NVL: variants seen among roughly 807,000 people sequenced by gnomAD.
NVL encodes the protein nuclear VCP like.
In NVL, 84 loss-of-function variants were observed where a neutral mutation model predicts 110.2. The observed-to-expected ratio is 0.76, with a 90% CI of 0.64 to 0.91. The LOEUF is 0.91. Ranked by LOEUF, NVL falls within the 40% of genes least tolerant of loss-of-function variation. The probability of loss-of-function intolerance (pLI) is 0.00; values close to 1 mark genes in which losing one functional copy is unlikely to be tolerated. For synonymous variants in NVL, 354 were observed against 361.1 expected, an observed-to-expected ratio of 0.98 and a Z score of 0.22; for missense variants, 882 against 1,035.9, an observed-to-expected ratio of 0.85 and a Z score of 2.04.
intron 19 of NVL, among the ~76,000 whole-genome samples, chr1:224,245,174 C>G (rs983571848): frequency 7.2e-5 from 11 of 152,244 alleles, no homozygotes; most frequent in Admixed American, 2.0e-4. Flanking sequence ...AAGTCAAAAG[C>G]CAGCAAACTG....
chr1:224,250,211 C>A lies in NVL; in HGVS notation c.2289+1G>T. The A allele has an allele frequency of 6.2e-7, 1 of 1,610,280 alleles. No homozygotes were observed. The highest frequency in any genetic ancestry group is 8.5e-7 in the Non-Finnish European group (1 of 1,178,736). On this transcript the variant is annotated splice_donor_variant, in intron 19 of 22. Coordinates refer to ENST00000281701, the MANE Select transcript of NVL (RefSeq NM_002533.4). LOFTEE classifies it high-confidence loss of function. ...AAAAATATACCATTTCCTTTACTCA[C>A]TTTTGTGATAGTTTTTAAGATGGCA...
chr1:224,301,798 CA>C (rs61084002), intron 9 of NVL: 50,165 of 76,264 alleles, frequency 0.66, 15,948 homozygotes, highest in Middle Eastern at 0.86. Context: ...AAATCTGTTT[CA>C]AAAAAAAAAA....
intron 18 of NVL, among the ~76,000 whole-genome samples, chr1:224,260,188 A>C (rs534104746): frequency 6.6e-6 from 1 of 152,368 alleles, no homozygotes; most frequent in South Asian, 2.1e-4. Context: ...CACTCTATTT[A>C]GCTTGGAACT....
intron 6 of NVL, among the ~76,000 whole-genome samples, chr1:224,307,698 C>CAAAAAAAAAAAAAAAAAAAAAAAAAA (rs11366790): frequency 3.0e-5 from 2 of 67,492 alleles, no homozygotes; most frequent in African/African-American, 5.1e-5. Flanking sequence ...GACCCAGTCT[C>CAAAAAAAAAAAAAAAAAAAAAAAAAA]AAAAAAAAAA....
chr1:224,242,085 G>A (rs1380907262), intron 19 of NVL, among the ~76,000 whole-genome samples: 1 of 151,958 alleles, frequency 6.6e-6, no homozygotes, highest in African/African-American at 2.4e-5. Flanking sequence ...ACTTGTATGA[G>A]GTACCTAGAA....
chr1:224,303,788 G>C lies in NVL; in HGVS notation c.895C>G (p.Arg299Gly), dbSNP rs769102708. ...GGTGGTCCATGAAGGAGAACTCCAC[G>C]AGGGGGCACGACGCCCAGGTGGTGG... ...VYHHLGVVPPRGVLLHGPPGC... is the reference protein window; with the variant it reads ...VYHHLGVVPPGGVLLHGPPGC... The change falls in exon 9 of 23, where the codon CGT (arginine) becomes GGT (glycine). Residue 299 changes from arginine (R) to glycine (G), a missense_variant. Arg to Gly is a moderately radical substitution (Grantham distance 125). Transcript: ENST00000281701. The C allele has an allele frequency of 9.3e-6, 15 of 1,613,596 alleles. No individual in the cohort carries two copies. The highest frequency in any genetic ancestry group is 7.7e-5 in the South Asian group (7 of 90,958).
chr1:224,232,638 A>C (rs372528582), intron 21 of NVL, among the ~76,000 whole-genome samples: 1 of 152,084 alleles, frequency 6.6e-6, no homozygotes, highest in Non-Finnish European at 1.5e-5. Context: ...GGGATTACAG[A>C]TGTGAGTCAC....
At position 224,287,945 on chromosome 1, in the gene NVL, A is replaced by G; in HGVS notation, c.1624T>C (p.Ser542Pro). 6.2e-7 allele frequency: 1 copy of G among 1,613,832 alleles called. No individual in the cohort carries two copies. The highest frequency in any genetic ancestry group is 1.1e-5 in the South Asian group (1 of 91,064). The change falls in exon 14 of 23, where the codon TCA becomes CCA. Residue 542 changes from serine to proline, a missense_variant. This residue lies in a region of NVL where 416 missense variants were observed against 499.3 expected (regional missense o/e 0.83). Coordinates refer to ENST00000281701, the MANE Select transcript of NVL (RefSeq NM_002533.4). ...LGLLRDQDPLSEEQMQGLCIE... is the reference protein window; with the variant it reads ...LGLLRDQDPLPEEQMQGLCIE... ...CACAGTCCTTGCATCTGCTCCTCTG[A>G]GAGGGGATCTTGGTCTCTTAGCAAC...
intron 10 of NVL, among the ~76,000 whole-genome samples, chr1:224,297,048 G>A (rs971112889): frequency 6.6e-5 from 10 of 152,124 alleles, no homozygotes; most frequent in Non-Finnish European, 1.0e-4. Flanking sequence ...TTCTACTAAC[G>A]TAAGAATCTC....
intron 10 of NVL, among the ~76,000 whole-genome samples, chr1:224,300,009 T>C (rs1015661594): frequency 2.0e-5 from 3 of 152,242 alleles, no homozygotes; most frequent in African/African-American, 7.2e-5. Flanking sequence ...GTGTGAATAA[T>C]CTTACAGCTA....
intron 10 of NVL, among the ~76,000 whole-genome samples, chr1:224,299,597 A>G (rs1311278764): frequency 6.6e-6 from 1 of 152,208 alleles, no homozygotes; most frequent in Non-Finnish European, 1.5e-5. Flanking sequence ...ATCCTTATTC[A>G]TCGTGTTTAC....
intron 18 of NVL, among the ~76,000 whole-genome samples, chr1:224,255,992 C>T (rs1410238696): frequency 6.6e-6 from 1 of 152,196 alleles, no homozygotes. Flanking sequence ...TTCTCCACTG[C>T]ATTGCCTTTG....
Position 224,286,044 on chromosome 1 carries a change from C to T in NVL, c.1881G>A (p.Gly627=). Residue 627 remains glycine, a synonymous_variant, in exon 15 of 23, where the codon GGG becomes GGA. Transcript: ENST00000281701. ...ATGATACCTTCGCCAGCAGAGTCTTCCCACAGCCAGGAGGACCAGCAAGGA... is the reference window on the plus strand; with the variant it reads ...ATGATACCTTCGCCAGCAGAGTCTTTCCACAGCCAGGAGGACCAGCAAGGA... ...GVLLAGPPGC[G]KTLLAKAVAN... 4 of 1,613,888 alleles carry T rather than the reference C, an allele frequency of 2.5e-6. No homozygotes were observed. In the South Asian group the frequency reaches 3.3e-5, roughly 13 times the overall value.
intron 19 of NVL, among the ~76,000 whole-genome samples, chr1:224,246,657 T>C (rs1389740461): frequency 6.6e-6 from 1 of 152,244 alleles, no homozygotes; most frequent in Non-Finnish European, 1.5e-5. Flanking sequence ...AATTGGATTA[T>C]ATGTGTGTGC....
intron 19 of NVL, among the ~76,000 whole-genome samples, chr1:224,246,901 T>C (rs1571814289): frequency 6.6e-6 from 1 of 151,008 alleles, no homozygotes; most frequent in Non-Finnish European, 1.5e-5. Context: ...ATTAGCAGAG[T>C]GTGGTGGCAC....
intron 20 of NVL, among the ~76,000 whole-genome samples, chr1:224,235,763 T>G: frequency 6.6e-6 from 1 of 151,808 alleles, no homozygotes; most frequent in East Asian, 1.9e-4. Context: ...ACCCTAAAAC[T>G]ACAAAAATTT....
At chr1:224,303,631 C>G in intron 9 of NVL, 92 bp downstream of exon 9, 1 of 1,326,264 alleles carries the variant, frequency 7.5e-7, no homozygotes, top group Non-Finnish European at 1.0e-6. Flanking sequence ...CTGAAGAATG[C>G]CATGTCTGGT....
chr1:224,310,178 CAA>C (rs1230097656), intron 5 of NVL, among the ~76,000 whole-genome samples: 6 of 39,206 alleles, frequency 1.5e-4, no homozygotes, highest in Admixed American at 2.8e-4. Context: ...GACTCCCTCG[CAA>C]AAAAAAAAAA....
chr1:224,311,770 C>T (rs750202650), intron 5 of NVL, 30 bp downstream of exon 5: 2 of 1,583,950 alleles, frequency 1.3e-6, no homozygotes, highest in Non-Finnish European at 1.7e-6. Flanking sequence ...AAGAAAAAAT[C>T]TAAGTGGACC....
Sources: gnomAD v4.1 joint callset for allele counts (sites outside exome capture counted in the v4.1 genomes callset) on GRCh38, gnomAD v4.1.1 for gene constraint, gnomAD v4.1.1 regional missense constraint, MANE v1.5 for transcripts, NCBI Gene and HGNC (gene_info 2026-07-23, HGNC 2026-07-21) for gene names.